DPF3: variants seen among roughly 807,000 people sequenced by gnomAD.
DPF3 encodes zinc finger protein DPF3.
Under a neutral mutation model 56.8 loss-of-function variants are expected in DPF3, and 18 were observed. The observed-to-expected ratio is 0.32, with a 90% CI of 0.22 to 0.47. The LOEUF is 0.47. DPF3 is among the 20% of genes least tolerant of loss of function. DPF3 has a pLI of 1.00. For missense variants in DPF3, 403 were observed against 488.8 expected (o/e 0.82, Z 1.65); for synonymous variants, 188 against 180.2 (o/e 1.04, Z -0.35).
At chr14:72,735,616 A>C (rs575048360) in intron 3 of DPF3, among the ~76,000 whole-genome samples, 2 of 152,342 alleles carry the variant, frequency 1.3e-5, no homozygotes, top group African/African-American at 4.8e-5. Context: ...AGATTCCCCC[A>C]GGGTCACAGA....
chr14:72,746,104 G>A (rs1426639729), intron 3 of DPF3, among the ~76,000 whole-genome samples: 1 of 152,136 alleles, frequency 6.6e-6, no homozygotes, highest in Non-Finnish European at 1.5e-5. Flanking sequence ...ACCCCCCAGG[G>A]GGCACCACCC....
intron 1 of DPF3, among the ~76,000 whole-genome samples, chr14:72,833,625 T>C (rs147564636): frequency 1.0e-3 from 152 of 150,754 alleles, no homozygotes; most frequent in Non-Finnish European, 1.9e-3. Context: ...CGTTGAGGAG[T>C]AGCCAAAGAG....
rs567844572 is a variant in DPF3, at chr14:72,848,101, C to T, written c.32+45956G>A. Among the ~76,000 whole-genome samples the T allele has an allele frequency of 8.5e-5, 13 of 152,300 alleles. No individual in the cohort carries two copies. The East Asian group carries it at 1.2e-3, about 14-fold the overall frequency. On this transcript the variant is annotated intron_variant, in intron 1 of 10. Coordinates refer to ENST00000556509, the MANE Select transcript of DPF3 (RefSeq NM_001280542.3). ...ACCTACCTTACCTGCCTGGTGTGCT[C>T]GCCAAACGACTTATTTGACAAATAA...
chr14:72,709,169 A>ATG, intron 6 of DPF3, among the ~76,000 whole-genome samples: 1 of 152,328 alleles, frequency 6.6e-6, no homozygotes. Flanking sequence ...TCTAGAAGGG[A>ATG]GGCAACAGGG....
intron 6 of DPF3, among the ~76,000 whole-genome samples, chr14:72,694,700 T>C (rs1887836185): frequency 6.6e-6 from 1 of 152,230 alleles, no homozygotes; most frequent in South Asian, 2.1e-4. Context: ...AAACAATATC[T>C]TCAAATGGCA....
intron 2 of DPF3, among the ~76,000 whole-genome samples, chr14:72,756,872 G>GAAA (rs1567222963): frequency 1.8e-4 from 15 of 85,480 alleles, no homozygotes; most frequent in East Asian, 6.4e-4. Flanking sequence ...AAGAAAGAAA[G>GAAA]GAAGGAAAGA....
intron 6 of DPF3, among the ~76,000 whole-genome samples, chr14:72,712,691 C>T (rs77866553): frequency 0.023 from 3,556 of 152,050 alleles, 198 homozygotes; most frequent in East Asian, 0.2. Flanking sequence ...TGGGCAAGAC[C>T]CCATCTCTAC....
intron 1 of DPF3, among the ~76,000 whole-genome samples, chr14:72,840,805 C>CAG (rs1884514519): frequency 1.3e-5 from 2 of 152,198 alleles, no homozygotes; most frequent in African/African-American, 2.4e-5. Context: ...TAACCAAAGA[C>CAG]CATTTTCCAA....
chr14:72,784,229 T>C lies in DPF3; in HGVS notation c.33-12336A>G, dbSNP rs74394034. Among the ~76,000 whole-genome samples, 922 of 152,218 alleles carry C rather than the reference T, an allele frequency of 6.1e-3. 9 individuals carry two copies. The highest frequency in any genetic ancestry group is 0.021 in the African/African-American group (882 of 41,546). On this transcript the variant is annotated intron_variant, in intron 1 of 10. Transcript: ENST00000556509. ...CAGACCTGCCATTTTTGGAGGCACA[T>C]ACTTGTAAATAGAACAAAGCCAGAC...
chr14:72,656,314 T>A (rs1567190923), intron 8 of DPF3, among the ~76,000 whole-genome samples: 1 of 152,240 alleles, frequency 6.6e-6, no homozygotes. Flanking sequence ...ATTCCTAGTT[T>A]AACGCAGCTT....
intron 6 of DPF3, among the ~76,000 whole-genome samples, chr14:72,713,485 C>G (rs1315463375): frequency 6.6e-6 from 1 of 152,164 alleles, no homozygotes; most frequent in Non-Finnish European, 1.5e-5. Flanking sequence ...GGTGGGACAC[C>G]CAGAGGGAGA....
chr14:72,810,757 G>A (rs192796509), intron 1 of DPF3, among the ~76,000 whole-genome samples: 3 of 152,134 alleles, frequency 2.0e-5, no homozygotes, highest in African/African-American at 7.2e-5. Flanking sequence ...TGACCTTCCC[G>A]ATCCTGGAGC....
chr14:72,729,843 T>G (rs539032151), intron 4 of DPF3, among the ~76,000 whole-genome samples: 1 of 151,868 alleles, frequency 6.6e-6, no homozygotes, highest in East Asian at 1.9e-4. Context: ...ACCGTAAGAG[T>G]GGACAGATGC....
At position 72,859,474 on chromosome 14, in the gene DPF3, C is replaced by A. The variant is rs1163869697; in HGVS notation, c.32+34583G>T. 2.9e-3 allele frequency among the ~76,000 whole-genome samples: 278 copies of A among 96,240 alleles called. 2 individuals are homozygous for A. Among genetic ancestry groups the A allele is most frequent in the African/African-American group, 0.012 (253 of 21,566 alleles). 63.1% of individuals were successfully genotyped at this position (96,240 alleles called of 152,430 possible). A position where few individuals can be genotyped will look rare whatever the true frequency, so the allele number is the denominator to read the frequency against. ...ATTGGTTCTCTGCAGCTTCCTCCCC[C>A]CCCCCCCCCACACCATTCCCCCCTA... On this transcript the variant is annotated intron_variant, in intron 1 of 10. Coordinates refer to ENST00000556509, the MANE Select transcript of DPF3 (RefSeq NM_001280542.3).
At chr14:72,728,712 T>C (rs1889511999) in intron 4 of DPF3, among the ~76,000 whole-genome samples, 1 of 152,040 alleles carries the variant, frequency 6.6e-6, no homozygotes, top group Non-Finnish European at 1.5e-5. Context: ...CCAAGCACTG[T>C]TTGGGTGCTT....
intron 1 of DPF3, among the ~76,000 whole-genome samples, chr14:72,789,045 T>C (rs740977): frequency 0.97 from 147,354 of 152,290 alleles, 71,310 homozygotes; most frequent in East Asian, 1. Context: ...CCAATAATGG[T>C]GTGGCTACTT....
chr14:72,699,607 A>G (rs1888072662), intron 6 of DPF3, among the ~76,000 whole-genome samples: 1 of 152,098 alleles, frequency 6.6e-6, no homozygotes, highest in South Asian at 2.1e-4. Flanking sequence ...GGGTTTCAAG[A>G]CGACAGTAAC....
intron 7 of DPF3, among the ~76,000 whole-genome samples, chr14:72,692,303 C>T (rs1448185498): frequency 2.0e-5 from 3 of 152,196 alleles, no homozygotes; most frequent in Non-Finnish European, 4.4e-5. Context: ...CAAGCAGGCT[C>T]TAAAGATTCC....
At chr14:72,642,004 G>A (rs2153567874) in intron 8 of DPF3, among the ~76,000 whole-genome samples, 2 of 152,328 alleles carry the variant, frequency 1.3e-5, no homozygotes, top group East Asian at 3.9e-4. Flanking sequence ...GGAGCTGAGG[G>A]AAGCCTCTGT....
Sources: allele counts gnomAD v4.1 joint callset (sites outside exome capture counted in the v4.1 genomes callset), GRCh38; gene constraint gnomAD v4.1.1; transcripts MANE v1.5; gene names NCBI Gene and HGNC (gene_info 2026-07-23, HGNC 2026-07-21).